Variants in FAT3 observed in about 807,000 individuals in gnomAD.
The protein encoded by FAT3 is protocadherin Fat 3.
A neutral mutation model predicts 310.2 loss-of-function variants in FAT3; 95 were observed. The observed-to-expected ratio is 0.31, with a 90% CI of 0.26 to 0.36. FAT3 has a LOEUF of 0.36. Ranked by LOEUF, FAT3 falls within the 10% of genes least tolerant of loss-of-function variation. The probability of loss-of-function intolerance (pLI) is 1.00; values close to 1 mark genes in which losing one functional copy is unlikely to be tolerated. For missense variants in FAT3, 5,408 were observed against 5,715.6 expected (o/e 0.95, Z 1.74); for synonymous variants, 2,314 against 2,192.9 (o/e 1.06, Z -1.54).
chr11:92,315,512 T>TATATATATATAGAG (rs1353970811), intron 1 of FAT3, among the ~76,000 whole-genome samples: 9 of 56,174 alleles, frequency 1.6e-4, no homozygotes, highest in South Asian at 1.9e-3. Flanking sequence ...TATATATATA[T>TATATATATATAGAG]AGAGAGAGAG....
intron 1 of FAT3, among the ~76,000 whole-genome samples, chr11:92,235,455 GTC>G (rs1450248781): frequency 6.6e-6 from 1 of 152,146 alleles, no homozygotes; most frequent in East Asian, 1.9e-4. Context: ...CTGCGCGGGT[GTC>G]TCTTTCTCCC....
intron 3 of FAT3, among the ~76,000 whole-genome samples, chr11:92,636,947 T>C (rs1469414357): frequency 6.6e-6 from 1 of 152,192 alleles, no homozygotes; most frequent in Admixed American, 6.5e-5. Flanking sequence ...GCCTCTCTAC[T>C]TGGACCTCTG....
intron 2 of FAT3, among the ~76,000 whole-genome samples, chr11:92,484,515 A>G (rs906959676): frequency 2.0e-5 from 3 of 152,212 alleles, no homozygotes; most frequent in Non-Finnish European, 4.4e-5. Flanking sequence ...ATGATGAAAA[A>G]CTACTTCAGA....
intron 4 of FAT3, among the ~76,000 whole-genome samples, chr11:92,758,484 G>T (rs73558329): frequency 0.029 from 4,371 of 152,246 alleles, 239 homozygotes; most frequent in African/African-American, 0.1. Context: ...TAAGAGCATG[G>T]CATGCTCAGG....
At chr11:92,459,493 C>T (rs1204180038) in intron 2 of FAT3, among the ~76,000 whole-genome samples, 1 of 152,170 alleles carries the variant, frequency 6.6e-6, no homozygotes, top group East Asian at 1.9e-4. Flanking sequence ...AACGGGCCTA[C>T]TTGTGTACCT....
intron 4 of FAT3, among the ~76,000 whole-genome samples, chr11:92,749,496 C>T (rs900213346): frequency 3.3e-5 from 5 of 152,158 alleles, no homozygotes; most frequent in Admixed American, 6.5e-5. Flanking sequence ...ATGGATTGAA[C>T]GAGAATGATA....
intron 3 of FAT3, among the ~76,000 whole-genome samples, chr11:92,618,897 A>G (rs762769550): frequency 6.6e-6 from 1 of 152,138 alleles, no homozygotes; most frequent in Non-Finnish European, 1.5e-5. Context: ...AAGCAGCAAG[A>G]GCATACACCC....
chr11:92,409,271 TG>T (rs1591245603), intron 2 of FAT3, among the ~76,000 whole-genome samples: 1 of 152,098 alleles, frequency 6.6e-6, no homozygotes, highest in East Asian at 1.9e-4. Context: ...CGTGTGTGTG[TG>T]TGTGTATGTG....
chr11:92,442,919 T>C (rs2135084842), intron 2 of FAT3, among the ~76,000 whole-genome samples: 1 of 152,282 alleles, frequency 6.6e-6, no homozygotes, highest in African/African-American at 2.4e-5. Flanking sequence ...CTTTTCTATT[T>C]CTAAAATATG....
In FAT3 at chr11:92,591,566, A is replaced by AT. The variant is rs940265987; in HGVS notation, c.3607+66622dup. On this transcript the variant is annotated intron_variant, in intron 3 of 27. Transcript: ENST00000525166. ...TAATTACTAAACTCTTAATCTCCTTATTTTACCTGTAATGTTTTCTTTCAG... is the reference window on the plus strand; with the variant it reads ...TAATTACTAAACTCTTAATCTCCTTATTTTTACCTGTAATGTTTTCTTTCAG... Among the ~76,000 whole-genome samples, 86 of 152,266 alleles carry AT rather than the reference A, an allele frequency of 5.6e-4. 1 individual carries two copies. The highest frequency in any genetic ancestry group is 2.0e-3 in the African/African-American group (84 of 41,560).
intron 4 of FAT3, among the ~76,000 whole-genome samples, chr11:92,716,459 A>G (rs1049945490): frequency 6.6e-6 from 1 of 152,166 alleles, no homozygotes; most frequent in African/African-American, 2.4e-5. Flanking sequence ...CAGTGCAGAA[A>G]AAAAAAAGGC....
chr11:92,310,577 G>C lies in FAT3; in HGVS notation c.-17-41519G>C, dbSNP rs138911226. ...GATGCAAGTGTAGTTTTGTTACATGGATATAATGTGTATTGGTGAACTGTC... is the reference window on the plus strand; with the variant it reads ...GATGCAAGTGTAGTTTTGTTACATGCATATAATGTGTATTGGTGAACTGTC... On this transcript the variant is annotated intron_variant, in intron 1 of 27. Coordinates refer to ENST00000525166, the MANE Select transcript of FAT3 (RefSeq NM_001367949.2). 5.1e-4 allele frequency among the ~76,000 whole-genome samples: 77 copies of C among 152,068 alleles called. No homozygotes were observed. In the East Asian group the frequency reaches 0.014, roughly 27 times the overall value.
intron 2 of FAT3, among the ~76,000 whole-genome samples, chr11:92,445,045 T>C (rs1175621649): frequency 6.6e-6 from 1 of 152,086 alleles, no homozygotes; most frequent in Admixed American, 6.6e-5. Context: ...GCACAGGATA[T>C]GAAGACATGG....
In FAT3 at chr11:92,843,965, C is replaced by G; in HGVS notation, c.10598C>G (p.Ser3533Cys). 1.2e-6 allele frequency: 2 copies of G among 1,609,538 alleles called. No individual in the cohort carries two copies. Among genetic ancestry groups the G allele is most frequent in the Non-Finnish European group, 1.7e-6 (2 of 1,176,546 alleles). Reference sequence around the variant, plus strand: ...GATTCAGGCAAACCCCAGCAAGTTTCTCACACTTACATCCGCGTGCGAGTC... The same window carrying G: ...GATTCAGGCAAACCCCAGCAAGTTTGTCACACTTACATCCGCGTGCGAGTC... ...AKDSGKPQQV[S>C]HTYIRVRVIE... Residue 3533 changes from serine (S) to cysteine (C), a missense_variant, in exon 19 of 28, where the codon TCT becomes TGT. Coordinates refer to ENST00000525166, the MANE Select transcript of FAT3 (RefSeq NM_001367949.2).
chr11:92,583,826 G>A (rs150220462), intron 3 of FAT3, among the ~76,000 whole-genome samples: 2 of 150,952 alleles, frequency 1.3e-5, no homozygotes, highest in African/African-American at 2.4e-5. Context: ...TAGGGATGAG[G>A]GTAGCTGACT....
intron 2 of FAT3, among the ~76,000 whole-genome samples, chr11:92,392,201 T>C (rs144709246): frequency 1.7e-4 from 26 of 152,292 alleles, no homozygotes; most frequent in African/African-American, 5.1e-4. Flanking sequence ...GAACCATGCT[T>C]ATTTTCCAGA....
chr11:92,433,124 G>C (rs1020592719), intron 2 of FAT3, among the ~76,000 whole-genome samples: 1 of 152,288 alleles, frequency 6.6e-6, no homozygotes, highest in East Asian at 1.9e-4. Flanking sequence ...TCAAACTGCT[G>C]TGCTGACAGC....
At position 92,567,199 on chromosome 11, in the gene FAT3, C is replaced by CAA. The variant is rs748501834; in HGVS notation, c.3607+42254_3607+42255dup. Among the ~76,000 whole-genome samples, 2 of 39,634 alleles carry CAA rather than the reference C, an allele frequency of 5.0e-5. 1 individual carries two copies. The highest frequency in any genetic ancestry group is 1.4e-4 in the Non-Finnish European group (2 of 14,028). The allele number at this position is 39,634 out of a possible 152,430, so 26.0% of individuals were successfully genotyped here. A position where few individuals can be genotyped will look rare whatever the true frequency, so the allele number is the denominator to read the frequency against. ...CTCAAAGAAATTTACAAGAAAAAAACAAAACCCCATCAAAAAGTGGGCGAA... is the reference window on the plus strand; with the variant it reads ...CTCAAAGAAATTTACAAGAAAAAAACAAAAAACCCCATCAAAAAGTGGGCGAA... On this transcript the variant is annotated intron_variant, in intron 3 of 27. Coordinates refer to ENST00000525166, the MANE Select transcript of FAT3 (RefSeq NM_001367949.2).
rs1949980965 is a variant in FAT3 at position 92,894,401 on chromosome 11, A to G, written c.*3288A>G. 6.6e-6 allele frequency: 1 copy of G among 151,960 alleles called. No homozygotes were observed. The highest frequency in any genetic ancestry group is 1.5e-5 in the Non-Finnish European group (1 of 67,994). 9.4% of individuals were successfully genotyped at this position (151,960 alleles called of 1,614,324 possible). On this transcript the variant is annotated 3_prime_UTR_variant, in exon 28 of 28. Coordinates refer to ENST00000525166, the MANE Select transcript of FAT3 (RefSeq NM_001367949.2). ...TTTTTTCTTCCCACAAACACTGGCT[A>G]CTCTTTGTCCTACCCCCTCCACCAT... is the stretch of plus-strand genomic sequence containing the variant.
Sources: allele counts gnomAD v4.1 joint callset (sites outside exome capture counted in the v4.1 genomes callset), GRCh38; gene constraint gnomAD v4.1.1; transcripts MANE v1.5; gene names NCBI Gene and HGNC (gene_info 2026-07-23, HGNC 2026-07-21).